Variants in SLC12A8 observed in about 807,000 individuals in gnomAD.
The protein encoded by SLC12A8 is cation-chloride cotransporter 9.
SLC12A8 carries 69 observed loss-of-function variants against 75.6 expected under a neutral mutation model. That is an observed-to-expected ratio of 0.91 (90% CI 0.75 to 1.11). The LOEUF (loss-of-function observed/expected upper bound fraction) is 1.11, where lower values mean the gene tolerates loss of function less well. Ranked by LOEUF, SLC12A8 falls within the 50% of genes most tolerant of loss-of-function variation. The pLI is 0.00. For synonymous variants in SLC12A8, 365 were observed against 372.8 expected (o/e 0.98, Z 0.24); for missense variants, 877 against 896.7 (o/e 0.98, Z 0.28).
intron 13 of SLC12A8, among the ~76,000 whole-genome samples, chr3:125,084,874 A>G (rs1461911000): frequency 6.6e-6 from 1 of 152,220 alleles, no homozygotes; most frequent in African/African-American, 2.4e-5. Flanking sequence ...GTCATACCTT[A>G]GACATGGATT....
At chr3:125,094,705 G>T (rs916911607) in intron 10 of SLC12A8, among the ~76,000 whole-genome samples, 1 of 152,130 alleles carries the variant, frequency 6.6e-6, no homozygotes, top group Non-Finnish European at 1.5e-5. Context: ...TCCTATTGCT[G>T]TCTCTCCCTT....
At chr3:125,190,587 G>C in intron 2 of SLC12A8, 66 bp from the exon 3 acceptor site, 1 of 1,567,816 alleles carries the variant, frequency 6.4e-7, no homozygotes, top group Non-Finnish European at 8.7e-7. Flanking sequence ...GCATGAGAGT[G>C]GAACAGGAGG....
chr3:125,143,525 G>A (rs1402762822), intron 5 of SLC12A8, among the ~76,000 whole-genome samples: 1 of 152,246 alleles, frequency 6.6e-6, no homozygotes, highest in African/African-American at 2.4e-5. Context: ...TGTGCACAGG[G>A]TTTCCAGCCT....
At chr3:125,102,756 G>A (rs1164884535) in intron 10 of SLC12A8, among the ~76,000 whole-genome samples, 2 of 152,074 alleles carry the variant, frequency 1.3e-5, no homozygotes, top group African/African-American at 4.8e-5. Context: ...GAAAAGGAAT[G>A]AAACAGACAT....
Position 125,203,760 on chromosome 3 carries a change from T to C in SLC12A8, c.51+7539A>G, listed in dbSNP as rs1187989661. Among the ~76,000 whole-genome samples the C allele has an allele frequency of 3.3e-5, 5 of 152,158 alleles. No homozygotes were observed. In the East Asian group the frequency reaches 9.6e-4, roughly 29 times the overall value. The stretch of plus-strand genomic sequence containing the variant: ...AATGGGGTCATATTGATCTAAAAAG[T>C]TTCTGCACTGCAAAGGAAACAGTAG... On this transcript the variant is annotated intron_variant, in intron 2 of 13. Coordinates refer to ENST00000469902, the MANE Select transcript of SLC12A8 (RefSeq NM_024628.6).
At chr3:125,210,273 TAAGAAG>T (rs1314997499) in intron 2 of SLC12A8, among the ~76,000 whole-genome samples, 2 of 152,192 alleles carry the variant, frequency 1.3e-5, no homozygotes, top group African/African-American at 2.4e-5. Flanking sequence ...AAATTGTTGA[TAAGAAG>T]CATCAGCAAA....
chr3:125,182,527 GAC>G (rs1470767167), intron 4 of SLC12A8, among the ~76,000 whole-genome samples: 2 of 142,258 alleles, frequency 1.4e-5, no homozygotes, highest in East Asian at 4.1e-4. Context: ...TTTTTTTTGA[GAC>G]AGAGTCTTGC....
chr3:125,203,884 A>T (rs987491604), intron 2 of SLC12A8, among the ~76,000 whole-genome samples: 1 of 152,208 alleles, frequency 6.6e-6, no homozygotes. Context: ...AAACAACTCA[A>T]CAGCATAAAA....
chr3:125,138,644 T>C (rs888991730), intron 5 of SLC12A8, among the ~76,000 whole-genome samples: 5 of 152,332 alleles, frequency 3.3e-5, no homozygotes, highest in South Asian at 4.1e-4. Flanking sequence ...ATACTAACTG[T>C]GGTTGTTTGT....
chr3:125,101,603 A>C (rs1018103006), intron 10 of SLC12A8, among the ~76,000 whole-genome samples: 1 of 152,238 alleles, frequency 6.6e-6, no homozygotes, highest in Non-Finnish European at 1.5e-5. Flanking sequence ...TTAATCAGAT[A>C]TCTTGTCTTT....
chr3:125,132,160 G>A (rs547574294), intron 6 of SLC12A8, among the ~76,000 whole-genome samples: 1 of 152,334 alleles, frequency 6.6e-6, no homozygotes, highest in East Asian at 1.9e-4. Context: ...CTGGTGCAGA[G>A]CATGGCAGGA....
At chr3:125,091,407 G>A (rs1938575368) in intron 12 of SLC12A8, 32 bp downstream of exon 12, 2 of 1,422,978 alleles carry the variant, frequency 1.4e-6, no homozygotes, top group East Asian at 2.3e-5. Flanking sequence ...AGAGAATGAG[G>A]GAACCAGTGG....
chr3:125,088,889 G>A (rs983181536), intron 12 of SLC12A8, among the ~76,000 whole-genome samples: 7 of 152,134 alleles, frequency 4.6e-5, no homozygotes, highest in African/African-American at 9.7e-5. Flanking sequence ...TAGAGCTGAA[G>A]TTTGAAGTGA....
At position 125,194,751 on chromosome 3, in the gene SLC12A8, C is replaced by T. The variant is rs1225469099; in HGVS notation, c.52-4230G>A. 2.0e-5 allele frequency among the ~76,000 whole-genome samples: 3 copies of T among 152,232 alleles called. No homozygotes were observed. The East Asian group carries it at 5.8e-4, about 29-fold the overall frequency. On this transcript the variant is annotated intron_variant, in intron 2 of 13. Transcript: ENST00000469902. Reference sequence around the variant, plus strand: ...GGTGGAAGCAAGACCCAGCCTGCCCCTTTCTCCCAAAGTGCACCTGCAGAG... The same window carrying T: ...GGTGGAAGCAAGACCCAGCCTGCCCTTTTCTCCCAAAGTGCACCTGCAGAG...
intron 8 of SLC12A8, among the ~76,000 whole-genome samples, chr3:125,118,495 G>A (rs926914638): frequency 2.6e-5 from 4 of 152,078 alleles, no homozygotes; most frequent in Admixed American, 1.3e-4. Flanking sequence ...CCAGCATGAG[G>A]GCATGCCCCT....
intron 6 of SLC12A8, among the ~76,000 whole-genome samples, chr3:125,128,088 G>A (rs958824717): frequency 8.6e-5 from 13 of 151,846 alleles, no homozygotes; most frequent in African/African-American, 2.9e-4. Context: ...TGGCCAGGAT[G>A]GTCTTGATCT....
rs549964561 is a variant in SLC12A8, at chr3:125,149,271, T to C, written c.623-13489A>G. 3.9e-5 allele frequency among the ~76,000 whole-genome samples: 6 copies of C among 152,344 alleles called. No homozygotes were observed. In the South Asian group the frequency reaches 1.2e-3, roughly 32 times the overall value. Reference sequence around the variant, plus strand: ...CAGGTCCCACGGCCTCTTCAGCCCATGGCTCCTTTCTCTGATCCCCAAGCC... The same window carrying C: ...CAGGTCCCACGGCCTCTTCAGCCCACGGCTCCTTTCTCTGATCCCCAAGCC... On this transcript the variant is annotated intron_variant, in intron 5 of 13. Coordinates refer to ENST00000469902, the MANE Select transcript of SLC12A8 (RefSeq NM_024628.6).
chr3:125,120,577 G>C, intron 7 of SLC12A8, 22 bp downstream of exon 7: 1 of 1,575,740 alleles, frequency 6.3e-7, no homozygotes. Context: ...AGCTCAGACT[G>C]ATTGCCATGA....
chr3:125,106,423 C>A (rs1939025967), intron 10 of SLC12A8, among the ~76,000 whole-genome samples: 1 of 151,796 alleles, frequency 6.6e-6, no homozygotes, highest in Non-Finnish European at 1.5e-5. Context: ...AGTGCAGTGT[C>A]ATGATCTTGG....
Sources: gnomAD v4.1 joint callset for allele counts (sites outside exome capture counted in the v4.1 genomes callset) on GRCh38, gnomAD v4.1.1 for gene constraint, MANE v1.5 for transcripts, NCBI Gene and HGNC (gene_info 2026-07-23, HGNC 2026-07-21) for gene names.